FRMD5: variants seen among roughly 807,000 people sequenced by gnomAD.
FRMD5 encodes the protein FERM domain containing 5, also known as FERM domain-containing protein 5.
Under a neutral mutation model 69.0 loss-of-function variants are expected in FRMD5, and 20 were observed. That is an observed-to-expected ratio of 0.29 (90% CI 0.20 to 0.42). The LOEUF is 0.42. Ranked by LOEUF, FRMD5 falls within the 10% of genes least tolerant of loss-of-function variation. FRMD5 has a pLI of 1.00. For missense variants in FRMD5, 595 were observed against 708.6 expected, an observed-to-expected ratio of 0.84 and a Z score of 1.82; for synonymous variants, 271 against 260.1, an observed-to-expected ratio of 1.04 and a Z score of -0.40.
At chr15:43,984,400 C>G (rs1386627821) in intron 1 of FRMD5, among the ~76,000 whole-genome samples, 1 of 152,198 alleles carries the variant, frequency 6.6e-6, no homozygotes, top group East Asian at 1.9e-4. Context: ...CCCCAGTGGA[C>G]AGCAGCTTAG....
intron 1 of FRMD5, among the ~76,000 whole-genome samples, chr15:44,141,023 AT>A (rs1329114556): frequency 6.6e-6 from 1 of 152,072 alleles, no homozygotes; most frequent in Non-Finnish European, 1.5e-5. Context: ...AGAAAATGTA[AT>A]TTTTTAAAAA....
chr15:44,050,244 G>C (rs1184794026), intron 1 of FRMD5, among the ~76,000 whole-genome samples: 8 of 152,172 alleles, frequency 5.3e-5, no homozygotes, highest in Non-Finnish European at 7.3e-5. Context: ...CAAAAAAAGA[G>C]AGTGGTTACA....
Position 44,126,921 on chromosome 15 carries a change from A to G in FRMD5, c.102+68032T>C, listed in dbSNP as rs148040206. On this transcript the variant is annotated intron_variant, in intron 1 of 13. Transcript: ENST00000417257. ...AATTAAACTAATGTACTTCCCTCAT[A>G]CCAATCACTGGGCACTGCTACATTC... Among the ~76,000 whole-genome samples, 7 of 152,286 alleles carry G rather than the reference A, an allele frequency of 4.6e-5. No individual in the cohort carries two copies. In the East Asian group the frequency reaches 1.3e-3, roughly 29 times the overall value.
chr15:43,887,506 C>G (rs1293229918), intron 10 of FRMD5, among the ~76,000 whole-genome samples: 3 of 152,196 alleles, frequency 2.0e-5, no homozygotes, highest in Admixed American at 6.5e-5. Context: ...TCAGTGAATC[C>G]TTGGTTCTGG....
intron 1 of FRMD5, among the ~76,000 whole-genome samples, chr15:44,123,521 A>C (rs998013238): frequency 6.6e-6 from 1 of 152,224 alleles, no homozygotes; most frequent in Non-Finnish European, 1.5e-5. Context: ...ATTAGTACAG[A>C]AAATTTATTT....
chr15:43,919,622 G>C (rs955131763), intron 3 of FRMD5, 85 bp from the exon 4 acceptor site: 2 of 1,471,804 alleles, frequency 1.4e-6, no homozygotes, highest in East Asian at 2.3e-5. Flanking sequence ...TGAAGCAGCA[G>C]AAGAGAACCC....
chr15:43,996,735 T>TC (rs1369352730), intron 1 of FRMD5, among the ~76,000 whole-genome samples: 1 of 147,874 alleles, frequency 6.8e-6, no homozygotes, highest in Admixed American at 6.7e-5. Flanking sequence ...TTTTTTTTTT[T>TC]TGTATACCAG....
intron 4 of FRMD5, chr15:43,919,242 A>G (rs1021667646): frequency 2.9e-6 from 2 of 692,970 alleles, no homozygotes; most frequent in Admixed American, 4.0e-5. Flanking sequence ...TAGTATTCAC[A>G]CTTCTTGAAG....
rs756742774 is a variant in FRMD5, at chr15:44,138,010, A to G, written c.102+56943T>C. 2.3e-3 allele frequency among the ~76,000 whole-genome samples: 347 copies of G among 152,304 alleles called. 1 individual carries two copies. The highest frequency in any genetic ancestry group is 2.1e-3 in the Non-Finnish European group (145 of 68,036). ...AGTGGCTAGATATGTACTATTTACCATTATCACAATGATCAGAAATCTGAG... is the reference window on the plus strand; with the variant it reads ...AGTGGCTAGATATGTACTATTTACCGTTATCACAATGATCAGAAATCTGAG... On this transcript the variant is annotated intron_variant, in intron 1 of 13. Coordinates refer to ENST00000417257, the MANE Select transcript of FRMD5 (RefSeq NM_032892.5).
intron 1 of FRMD5, among the ~76,000 whole-genome samples, chr15:43,943,063 GA>G (rs1368757195): frequency 2.6e-5 from 4 of 152,152 alleles, no homozygotes; most frequent in African/African-American, 4.8e-5. Flanking sequence ...CCAACATGAA[GA>G]AACCCTGTCT....
Position 43,873,516 on chromosome 15 carries a change from C to T in FRMD5, c.*369G>A, listed in dbSNP as rs1457849118. 2.1e-6 allele frequency: 3 copies of T among 1,411,508 alleles called. No individual in the cohort carries two copies. The highest frequency in any genetic ancestry group is 5.7e-5 in the East Asian group (2 of 35,282). The allele number at this position is 1,411,508 out of a possible 1,614,324, so 87.4% of individuals were successfully genotyped here. ...CTAGTGTCCCCTCTGCTAGGTGATA[C>T]TACTGCAATAATCAGTAATAGTAAA... On this transcript the variant is annotated 3_prime_UTR_variant, in exon 14 of 14. Coordinates refer to ENST00000417257, the MANE Select transcript of FRMD5 (RefSeq NM_032892.5).
At chr15:44,138,086 G>A (rs78559615) in intron 1 of FRMD5, among the ~76,000 whole-genome samples, 7,031 of 152,172 alleles carry the variant, frequency 0.046, 464 homozygotes, top group African/African-American at 0.15. Flanking sequence ...AGGCTGGGTA[G>A]GATATGATGA....
At chr15:43,956,489 AGAC>A (rs1271837768) in intron 1 of FRMD5, among the ~76,000 whole-genome samples, 1 of 152,202 alleles carries the variant, frequency 6.6e-6, no homozygotes. Flanking sequence ...ACATGATGTG[AGAC>A]GACTTTTTTT....
At chr15:43,875,580 C>T (rs1022416545) in intron 13 of FRMD5, among the ~76,000 whole-genome samples, 25 of 150,990 alleles carry the variant, frequency 1.7e-4, no homozygotes, top group Non-Finnish European at 1.5e-5. Context: ...CGGGTTCCAG[C>T]GATTCTTGTG....
chr15:44,110,384 G>A (rs758312759), intron 1 of FRMD5, among the ~76,000 whole-genome samples: 9 of 152,194 alleles, frequency 5.9e-5, no homozygotes, highest in Non-Finnish European at 1.2e-4. Flanking sequence ...GTGGATGTAA[G>A]TTTTCAGTTC....
chr15:44,161,156 T>A (rs1313190840), intron 1 of FRMD5, among the ~76,000 whole-genome samples: 1 of 152,184 alleles, frequency 6.6e-6, no homozygotes, highest in Non-Finnish European at 1.5e-5. Context: ...TAGACAGAGA[T>A]GCCTCCATCT....
chr15:44,073,759 C>T (rs1893638994), intron 1 of FRMD5, among the ~76,000 whole-genome samples: 1 of 152,134 alleles, frequency 6.6e-6, no homozygotes, highest in East Asian at 1.9e-4. Flanking sequence ...GTTCCCACAT[C>T]CTTCCCAGAC....
rs534998217 is a variant in FRMD5 at position 43,915,731 on chromosome 15, A to T, written c.329+3728T>A. ...ATCATCTGGGAAGAAGCCAAGAGAT[A>T]AACTGAAGCAAGTTCTGTACTCCCT... On this transcript the variant is annotated intron_variant, in intron 4 of 13. Transcript: ENST00000417257. Among the ~76,000 whole-genome samples, 27 of 152,364 alleles carry T rather than the reference A, an allele frequency of 1.8e-4. 1 individual carries two copies. The highest frequency in any genetic ancestry group is 6.3e-4 in the African/African-American group (26 of 41,578).
At chr15:44,001,703 C>G (rs1890220902) in intron 1 of FRMD5, among the ~76,000 whole-genome samples, 1 of 151,816 alleles carries the variant, frequency 6.6e-6, no homozygotes. Flanking sequence ...GCTTCCCACA[C>G]TCAAGTGATC....
Sources: gnomAD v4.1 joint callset for allele counts (sites outside exome capture counted in the v4.1 genomes callset) on GRCh38, gnomAD v4.1.1 for gene constraint, MANE v1.5 for transcripts, NCBI Gene and HGNC (gene_info 2026-07-23, HGNC 2026-07-21) for gene names.